Variants in USH2A observed in about 807,000 individuals in gnomAD.
USH2A encodes Usher syndrome 2A (autosomal recessive, mild).
USH2A carries 443 observed loss-of-function variants against 538.9 expected under a neutral mutation model. That is an observed-to-expected ratio of 0.82 (90% CI 0.76 to 0.89). The LOEUF (loss-of-function observed/expected upper bound fraction) is 0.89. Ranked by LOEUF, USH2A falls within the 40% of genes least tolerant of loss-of-function variation. USH2A has a pLI of 0.00. For synonymous variants in USH2A, 2,413 were observed against 2,273.5 expected, an observed-to-expected ratio of 1.06 and a Z score of -1.75; for missense variants, 6,633 against 6,324.8, an observed-to-expected ratio of 1.05 and a Z score of -1.65.
At chr1:215,825,289 C>A (rs1043585832) in intron 47 of USH2A, among the ~76,000 whole-genome samples, 2 of 152,056 alleles carry the variant, frequency 1.3e-5, no homozygotes, top group Non-Finnish European at 2.9e-5. Flanking sequence ...TGGCCTCAAG[C>A]AATTCTGACT....
At chr1:216,367,878 T>C (rs940933340) in intron 3 of USH2A, among the ~76,000 whole-genome samples, 1 of 152,218 alleles carries the variant, frequency 6.6e-6, no homozygotes, top group African/African-American at 2.4e-5. Context: ...ATACATACAA[T>C]GGAATTTCTG....
At chr1:216,071,725 C>G (rs551946243) in intron 29 of USH2A, among the ~76,000 whole-genome samples, 1 of 152,276 alleles carries the variant, frequency 6.6e-6, no homozygotes, top group African/African-American at 2.4e-5. Flanking sequence ...CTGAATTATA[C>G]TCAAAGCGGG....
intron 67 of USH2A, among the ~76,000 whole-genome samples, chr1:215,647,208 A>G (rs539318630): frequency 3.7e-4 from 57 of 152,174 alleles, no homozygotes; most frequent in Non-Finnish European, 6.8e-4. Context: ...AAGGAGTAGC[A>G]AAACTTCTTA....
intron 4 of USH2A, among the ~76,000 whole-genome samples, chr1:216,332,703 C>T (rs1386997680): frequency 6.6e-6 from 1 of 152,134 alleles, no homozygotes; most frequent in East Asian, 1.9e-4. Context: ...ATTCTCTGTT[C>T]AGTCATTGCC....
rs545447644 is a variant in USH2A, at chr1:216,166,079, A to G, written c.4627+9173T>C. On this transcript the variant is annotated intron_variant, in intron 21 of 71. Transcript: ENST00000307340. Reference sequence around the variant, plus strand: ...TAGAATGCGGTAAGAGCTAAAATAGAGTAATTGTTGGTTTCTATAGTAGTA... The same window carrying G: ...TAGAATGCGGTAAGAGCTAAAATAGGGTAATTGTTGGTTTCTATAGTAGTA... Among the ~76,000 whole-genome samples, 13 of 152,172 alleles carry G rather than the reference A, an allele frequency of 8.5e-5. No homozygotes were observed. In the South Asian group the frequency reaches 1.9e-3, roughly 22 times the overall value.
chr1:216,422,553 A>T lies in USH2A; in HGVS notation c.-204-13T>A. ...TAGCTGCTGGTATCTGGGAATCAAA[A>T]ACGTAGGGCGTCAAGGGAAAGCTGC... On this transcript the variant is annotated splice_polypyrimidine_tract_variant and intron_variant, in intron 1 of 71. Transcript: ENST00000307340. The T allele has an allele frequency of 1.7e-6, 1 of 592,932 alleles. No homozygotes were observed. The highest frequency in any genetic ancestry group is 2.9e-6 in the Non-Finnish European group (1 of 349,738). 36.7% of individuals were successfully genotyped at this position (592,932 alleles called of 1,614,324 possible). A position where few individuals can be genotyped will look rare whatever the true frequency, so the allele number is the denominator to read the frequency against.
chr1:216,104,380 T>C (rs1459549530), intron 21 of USH2A, among the ~76,000 whole-genome samples: 1 of 152,162 alleles, frequency 6.6e-6, no homozygotes, highest in African/African-American at 2.4e-5. Flanking sequence ...TCCATGTCCC[T>C]ACAAAGGACA....
chr1:215,781,860 A>G (rs1232008165), intron 54 of USH2A, among the ~76,000 whole-genome samples, 182 bp downstream of exon 54: 1 of 152,176 alleles, frequency 6.6e-6, no homozygotes, highest in Non-Finnish European at 1.5e-5. Context: ...CTCCCTTGAA[A>G]TGATCTCTCC....
chr1:216,137,423 G>C (rs115577326), intron 21 of USH2A, among the ~76,000 whole-genome samples: 4 of 152,094 alleles, frequency 2.6e-5, no homozygotes, highest in African/African-American at 9.7e-5. Context: ...GCAGAAACCC[G>C]TGATAAACCC....
In USH2A at chr1:215,715,856, G is replaced by C. The variant is rs150308668; in HGVS notation, c.12066+12174C>G. Among the ~76,000 whole-genome samples, 1,216 of 152,292 alleles carry C rather than the reference G, an allele frequency of 8.0e-3. 9 individuals carry two copies. The highest frequency in any genetic ancestry group is 0.014 in the Non-Finnish European group (931 of 68,016). On this transcript the variant is annotated intron_variant, in intron 61 of 71. Transcript: ENST00000307340. ...AACTGTAATTTACACCATTAGGAAG[G>C]CAGGAGCAATTTTTATTGCCTGGCA...
intron 35 of USH2A, among the ~76,000 whole-genome samples, chr1:215,983,772 C>T (rs539449466): frequency 3.6e-4 from 55 of 152,106 alleles, no homozygotes; most frequent in African/African-American, 4.8e-4. Flanking sequence ...TACAAAGATG[C>T]GGACAGGGTT....
At chr1:216,085,116 C>A in intron 24 of USH2A, 2 of 479,180 alleles carry the variant, frequency 4.2e-6, no homozygotes, top group Non-Finnish European at 7.5e-6. Context: ...TATGCAGAAA[C>A]CTTGGTTTTG....
chr1:216,166,105 C>T (rs918613446), intron 21 of USH2A, among the ~76,000 whole-genome samples: 7 of 152,022 alleles, frequency 4.6e-5, no homozygotes, highest in Admixed American at 3.3e-4. Context: ...TATAGTAGTA[C>T]ATAAGAGAGG....
chr1:216,131,910 T>C (rs1295313849), intron 21 of USH2A, among the ~76,000 whole-genome samples: 1 of 152,008 alleles, frequency 6.6e-6, no homozygotes, highest in East Asian at 1.9e-4. Flanking sequence ...TCTTTAATCC[T>C]CCTAATAATA....
At chr1:216,241,989 T>G (rs2035947188) in intron 13 of USH2A, among the ~76,000 whole-genome samples, 1 of 152,188 alleles carries the variant, frequency 6.6e-6, no homozygotes, top group South Asian at 2.1e-4. Context: ...TTTAAAGTAT[T>G]ATCGTATTTT....
chr1:215,685,354 G>GTT (rs34889051), intron 61 of USH2A, among the ~76,000 whole-genome samples: 2 of 113,686 alleles, frequency 1.8e-5, no homozygotes, highest in Admixed American at 8.8e-5. Context: ...TGTTGTTGTT[G>GTT]TTTTTTTTTT....
intron 37 of USH2A, among the ~76,000 whole-genome samples, chr1:215,954,258 T>C (rs1571843206): frequency 6.6e-6 from 1 of 152,078 alleles, no homozygotes; most frequent in South Asian, 2.1e-4. Context: ...TAAAGACACA[T>C]GCACACGTAT....
chr1:215,682,469 T>C (rs1025653124), intron 61 of USH2A, among the ~76,000 whole-genome samples: 1 of 152,180 alleles, frequency 6.6e-6, no homozygotes, highest in African/African-American at 2.4e-5. Context: ...ACTTAATGAT[T>C]AACAACTGGC....
At position 215,716,971 on chromosome 1, in the gene USH2A, C is replaced by T. The variant is rs534763479; in HGVS notation, c.12066+11059G>A. On this transcript the variant is annotated intron_variant, in intron 61 of 71. Transcript: ENST00000307340. ...CAAGTGGTATGTTTTTGTCTCAAAC[C>T]TTCACTCTTTTACCAAATTCAAGCC... is the stretch of plus-strand genomic sequence containing the variant. Among the ~76,000 whole-genome samples, 5 of 152,198 alleles carry T rather than the reference C, an allele frequency of 3.3e-5. No homozygotes were observed. The East Asian group carries it at 9.7e-4, about 29-fold the overall frequency.
Sources: allele counts gnomAD v4.1 joint callset (sites outside exome capture counted in the v4.1 genomes callset), GRCh38; gene constraint gnomAD v4.1.1; transcripts MANE v1.5; gene names NCBI Gene and HGNC (gene_info 2026-07-23, HGNC 2026-07-21).